Variants in SPARCL1 observed in about 807,000 individuals in gnomAD.
SPARCL1 encodes the protein SPARC-like protein 1.
In SPARCL1, 52 loss-of-function variants were observed where a neutral mutation model predicts 67.1. The ratio of observed to expected loss-of-function variants is 0.78; its 90% CI spans 0.62 to 0.98. The LOEUF (loss-of-function observed/expected upper bound fraction) is 0.98. Among genes scored for constraint, SPARCL1 ranks in the 50% least tolerant of loss-of-function variants. SPARCL1 has a pLI of 0.00. For missense variants in SPARCL1, 717 were observed against 782.4 expected (o/e 0.92, Z 1.00); for synonymous variants, 226 against 267.8 (o/e 0.84, Z 1.52).
intron 1 of SPARCL1, among the ~76,000 whole-genome samples, chr4:87,518,878 T>G (rs1725689079): frequency 6.6e-6 from 1 of 152,180 alleles, no homozygotes; most frequent in Non-Finnish European, 1.5e-5. Context: ...TCAAAATTGT[T>G]TGGTCCCCAG....
At chr4:87,482,387 G>T in intron 8 of SPARCL1, 37 bp downstream of exon 8, 1 of 1,605,876 alleles carries the variant, frequency 6.2e-7, no homozygotes, top group Non-Finnish European at 8.5e-7. Flanking sequence ...ATGCCCTGTA[G>T]ACAGACATTG....
At chr4:87,521,015 C>T (rs1725791552) in intron 1 of SPARCL1, among the ~76,000 whole-genome samples, 1 of 152,136 alleles carries the variant, frequency 6.6e-6, no homozygotes, top group South Asian at 2.1e-4. Context: ...CACAAACGAC[C>T]AGAATATGTT....
At chr4:87,514,585 C>A (rs1725506737) in intron 1 of SPARCL1, among the ~76,000 whole-genome samples, 1 of 152,152 alleles carries the variant, frequency 6.6e-6, no homozygotes, top group Non-Finnish European at 1.5e-5. Context: ...TTTGAAGGAC[C>A]TTGTGGGACA....
intron 1 of SPARCL1, among the ~76,000 whole-genome samples, chr4:87,516,857 A>G (rs547959705): frequency 3.3e-5 from 5 of 152,122 alleles, no homozygotes; most frequent in Non-Finnish European, 7.3e-5. Flanking sequence ...ACCTTTCACC[A>G]TCTCTTAATC....
chr4:87,476,163 T>G (rs1444464016), intron 10 of SPARCL1, among the ~76,000 whole-genome samples: 1 of 152,228 alleles, frequency 6.6e-6, no homozygotes, highest in Non-Finnish European at 1.5e-5. Flanking sequence ...TTGTGTTTTC[T>G]CAGTGGAAGA....
intron 1 of SPARCL1, among the ~76,000 whole-genome samples, chr4:87,505,408 TC>T (rs1725032995): frequency 6.6e-6 from 1 of 152,048 alleles, no homozygotes; most frequent in Admixed American, 6.5e-5. Context: ...AAACATTCTA[TC>T]CTCCTAGTGA....
chr4:87,503,851 G>A (rs1015139269), intron 1 of SPARCL1, among the ~76,000 whole-genome samples: 2 of 151,308 alleles, frequency 1.3e-5, no homozygotes, highest in African/African-American at 2.4e-5. Context: ...GCTAATTTTT[G>A]TATTTTTAGT....
chr4:87,473,921 C>CGG, intron 10 of SPARCL1, 118 bp from the exon 11 acceptor site: 1 of 641,712 alleles, frequency 1.6e-6, no homozygotes, highest in Non-Finnish European at 2.7e-6. Flanking sequence ...AATGGTGATC[C>CGG]TCAACTTTGG....
chr4:87,479,818 G>A (rs1723734484), intron 9 of SPARCL1, among the ~76,000 whole-genome samples: 1 of 152,182 alleles, frequency 6.6e-6, no homozygotes, highest in Non-Finnish European at 1.5e-5. Flanking sequence ...TAAATCTATA[G>A]GGGTGTACCC....
chr4:87,514,159 A>T (rs1725488875), intron 1 of SPARCL1, among the ~76,000 whole-genome samples: 1 of 152,216 alleles, frequency 6.6e-6, no homozygotes, highest in Non-Finnish European at 1.5e-5. Flanking sequence ...GAGCCACTGC[A>T]CTCCAGCAAT....
At chr4:87,515,791 T>C (rs1417013638) in intron 1 of SPARCL1, among the ~76,000 whole-genome samples, 1 of 152,212 alleles carries the variant, frequency 6.6e-6, no homozygotes, top group African/African-American at 2.4e-5. Context: ...ATGGCAGAAA[T>C]AGGTCTCCCA....
intron 2 of SPARCL1, among the ~76,000 whole-genome samples, chr4:87,496,541 C>T (rs1724627671): frequency 6.6e-6 from 1 of 152,050 alleles, no homozygotes; most frequent in African/African-American, 2.4e-5. Context: ...TTCTACCCTG[C>T]CATCTCTCAA....
chr4:87,520,363 T>C (rs1470096784), intron 1 of SPARCL1, among the ~76,000 whole-genome samples: 2 of 151,480 alleles, frequency 1.3e-5, no homozygotes, highest in Non-Finnish European at 2.9e-5. Context: ...AGAAAAGTCA[T>C]CTTGCCGGAA....
intron 10 of SPARCL1, among the ~76,000 whole-genome samples, chr4:87,475,500 C>T (rs1344223083): frequency 1.3e-5 from 2 of 152,126 alleles, no homozygotes; most frequent in Non-Finnish European, 2.9e-5. Flanking sequence ...TTTCATGTAA[C>T]TCAATGCGTT....
chr4:87,524,049 A>C (rs1725934580), intron 1 of SPARCL1, among the ~76,000 whole-genome samples: 2 of 152,244 alleles, frequency 1.3e-5, no homozygotes, highest in Non-Finnish European at 2.9e-5. Context: ...TGAATACATT[A>C]GTTGTTTGAG....
chr4:87,519,354 G>A (rs564526187), intron 1 of SPARCL1, among the ~76,000 whole-genome samples: 1 of 152,152 alleles, frequency 6.6e-6, no homozygotes, highest in African/African-American at 2.4e-5. Flanking sequence ...TTACAGGCAT[G>A]AGCCATTGTG....
chr4:87,507,475 T>A (rs1212897440), intron 1 of SPARCL1, among the ~76,000 whole-genome samples: 1 of 152,202 alleles, frequency 6.6e-6, no homozygotes, highest in African/African-American at 2.4e-5. Flanking sequence ...AATTCATTCA[T>A]TGAGTACTTA....
intron 7 of SPARCL1, among the ~76,000 whole-genome samples, chr4:87,489,037 G>C (rs1724194236): frequency 6.6e-6 from 1 of 152,212 alleles, no homozygotes; most frequent in Non-Finnish European, 1.5e-5. Flanking sequence ...CTGTGGGGGT[G>C]GGATCCACTG....
rs559459035 is a variant in SPARCL1, at chr4:87,519,231, C to T, written c.-12+9814G>A. Among the ~76,000 whole-genome samples, 22 of 152,092 alleles carry T rather than the reference C, an allele frequency of 1.4e-4. No homozygotes were observed. The South Asian group carries it at 2.7e-3, about 19-fold the overall frequency. On this transcript the variant is annotated intron_variant, in intron 1 of 10. Transcript: ENST00000282470. ...GACTACAGGTGCACACAACCACGCC[C>T]GGCTAATTTTTATATTTTTTAGTAG... is the stretch of plus-strand genomic sequence containing the variant.
Sources: allele counts gnomAD v4.1 joint callset (sites outside exome capture counted in the v4.1 genomes callset), GRCh38; gene constraint gnomAD v4.1.1; transcripts MANE v1.5; gene names NCBI Gene and HGNC (gene_info 2026-07-23, HGNC 2026-07-21).